ATG12: variants seen among roughly 807,000 people sequenced by gnomAD.
ATG12 encodes the protein autophagy related 12.
A neutral mutation model predicts 17.6 loss-of-function variants in ATG12; 19 were observed. That is an observed-to-expected ratio of 1.08 (90% CI 0.75 to 1.58). The LOEUF (loss-of-function observed/expected upper bound fraction) is 1.58, where lower values mean the gene tolerates loss of function less well. Ranked by LOEUF, ATG12 falls within the 40% of genes most tolerant of loss-of-function variation. ATG12 has a pLI of 0.00. For synonymous variants in ATG12, 75 were observed against 62.4 expected, an observed-to-expected ratio of 1.20 and a Z score of -0.95; for missense variants, 214 against 162.0, an observed-to-expected ratio of 1.32 and a Z score of -1.74.
At chr5:115,839,955 C>T (rs1158774765) in intron 1 of ATG12, among the ~76,000 whole-genome samples, 1 of 152,188 alleles carries the variant, frequency 6.6e-6, no homozygotes, top group Non-Finnish European at 1.5e-5. Flanking sequence ...AGAAAATATG[C>T]CCTCGGGCAA....
At chr5:115,835,729 C>G (rs1761067624) in intron 2 of ATG12, among the ~76,000 whole-genome samples, 1 of 152,122 alleles carries the variant, frequency 6.6e-6, no homozygotes, top group Non-Finnish European at 1.5e-5. Context: ...CGGTCAGGAT[C>G]TATTAGCGTT....
Position 115,837,625 on chromosome 5 carries a change from T to C in ATG12, c.300+3A>G. 4 of 1,610,482 alleles carry C rather than the reference T, an allele frequency of 2.5e-6. No individual in the cohort carries two copies. Among genetic ancestry groups the C allele is most frequent in the Non-Finnish European group, 3.4e-6 (4 of 1,179,570 alleles). On this transcript the variant is annotated splice_donor_region_variant and intron_variant, in intron 2 of 3. Coordinates refer to ENST00000509910, the MANE Select transcript of ATG12 (RefSeq NM_004707.4). ...TAGGAAAACATCACCATTGGTTTCA[T>C]ACCAACTGTTCTGAGGCCACAAGTT...
intron 2 of ATG12, among the ~76,000 whole-genome samples, chr5:115,836,343 A>G (rs1411487654): frequency 6.6e-6 from 1 of 152,090 alleles, no homozygotes; most frequent in Non-Finnish European, 1.5e-5. Flanking sequence ...ATTTTTCTTA[A>G]ATCTCCATGT....
rs1440214736 is a variant in ATG12 at position 115,830,709 on chromosome 5, A to C, written c.*1095T>G. ...TTTTTATTTTTTTGTAGAGTTGGGG[A>C]TCTTGCCTTGCTAACCAGGCTGGTC... On this transcript the variant is annotated 3_prime_UTR_variant, in exon 4 of 4. Transcript: ENST00000509910. 1 of 151,702 alleles carries C rather than the reference A, an allele frequency of 6.6e-6. No individual in the cohort carries two copies. The highest frequency in any genetic ancestry group is 2.4e-5 in the African/African-American group (1 of 41,240). The allele number at this position is 151,702 out of a possible 1,614,324, so 9.4% of individuals were successfully genotyped here. A position where few individuals can be genotyped will look rare whatever the true frequency, so the allele number is the denominator to read the frequency against.
chr5:115,835,016 T>C (rs1356829980), intron 2 of ATG12: 1 of 152,194 alleles, frequency 6.6e-6, no homozygotes, highest in African/African-American at 2.4e-5. Context: ...ATTTTTTTCA[T>C]CTTCTATTTT....
At chr5:115,834,034 T>C (rs750152853) in intron 2 of ATG12, 3 of 152,124 alleles carry the variant, frequency 2.0e-5, no homozygotes, top group Non-Finnish European at 4.4e-5. Context: ...GAAAAGTACA[T>C]CTAATGAAGT....
rs922907145 is a variant in ATG12 at position 115,840,531 on chromosome 5, C to G, written c.163+859G>C. The G allele has an allele frequency of 3.9e-6, 4 of 1,019,744 alleles. No homozygotes were observed. In the African/African-American group the frequency reaches 6.8e-5, roughly 17 times the overall value. The allele number at this position is 1,019,744 out of a possible 1,614,324, so 63.2% of individuals were successfully genotyped here. A position where few individuals can be genotyped will look rare whatever the true frequency, so the allele number is the denominator to read the frequency against. The stretch of plus-strand genomic sequence containing the variant: ...CAGGCTGGTCTCGAACTCTTGACCT[C>G]AGGTGATCCACCCGCCTCAGCCTAC... On this transcript the variant is annotated intron_variant, in intron 1 of 3. Transcript: ENST00000509910.
At chr5:115,833,787 A>AT (rs1372103147) in intron 2 of ATG12, 3 of 152,184 alleles carry the variant, frequency 2.0e-5, no homozygotes. Flanking sequence ...TATAATGTGA[A>AT]TTTTTTGTAA....
rs1270890072 is a variant in ATG12, at chr5:115,831,362, G to A, written c.*442C>T. 5.9e-6 allele frequency: 1 copy of A among 170,138 alleles called. No homozygotes were observed. Among genetic ancestry groups the A allele is most frequent in the African/African-American group, 2.4e-5 (1 of 41,444 alleles). 10.5% of individuals were successfully genotyped at this position (170,138 alleles called of 1,614,324 possible). ...GACTGCCCTCTACTGGACTATTTGAGGTATTCAGCCAGCAGGTCAATGTGA... is the reference window on the plus strand; with the variant it reads ...GACTGCCCTCTACTGGACTATTTGAAGTATTCAGCCAGCAGGTCAATGTGA... On this transcript the variant is annotated 3_prime_UTR_variant, in exon 4 of 4. Transcript: ENST00000509910.
Position 115,831,539 on chromosome 5 carries a change from C to T in ATG12, c.*265G>A. 1.9e-6 allele frequency: 1 copy of T among 525,288 alleles called. No individual in the cohort carries two copies. The highest frequency in any genetic ancestry group is 3.4e-5 in the East Asian group (1 of 29,830). 32.5% of individuals were successfully genotyped at this position (525,288 alleles called of 1,614,324 possible). On this transcript the variant is annotated 3_prime_UTR_variant, in exon 4 of 4. Coordinates refer to ENST00000509910, the MANE Select transcript of ATG12 (RefSeq NM_004707.4). Reference sequence around the variant, plus strand: ...TTAGTCTCCTTTTCAACCTTGGAGGCAGATCTGCAGCAATAATAGTAACAA... The same window carrying T: ...TTAGTCTCCTTTTCAACCTTGGAGGTAGATCTGCAGCAATAATAGTAACAA...
chr5:115,840,099 G>C (rs1015180526), intron 1 of ATG12, among the ~76,000 whole-genome samples: 1 of 152,058 alleles, frequency 6.6e-6, no homozygotes, highest in Non-Finnish European at 1.5e-5. Context: ...ATAGTAAATT[G>C]GAAGAAAAAA....
rs1355062122 is a variant in ATG12, at chr5:115,832,500, A to G, written c.363+102T>C. The G allele has an allele frequency of 8.1e-6, 10 of 1,236,400 alleles. No individual in the cohort carries two copies. In the East Asian group the frequency reaches 2.5e-4, roughly 31 times the overall value. 76.6% of individuals were successfully genotyped at this position (1,236,400 alleles called of 1,614,324 possible). ...TCTCTTGAAATAAAAATGTGAATTA[A>G]CAATACTACACAATATACATATTAT... On this transcript the variant is annotated intron_variant, in intron 3 of 3. Coordinates refer to ENST00000509910, the MANE Select transcript of ATG12 (RefSeq NM_004707.4).
chr5:115,841,533 G>C lies in ATG12; in HGVS notation c.20C>G (p.Ser7Cys), dbSNP rs372619984. The C allele has an allele frequency of 4.3e-6, 7 of 1,613,420 alleles. No individual in the cohort carries two copies. In the African/African-American group the frequency reaches 6.7e-5, roughly 15 times the overall value. Residue 7 changes from serine to cysteine, a missense_variant, in exon 1 of 4, where the codon TCT (serine) becomes TGT (cysteine). Transcript: ENST00000509910. MAEEPQ[S>C]VLQLPTSIAA... ...AATTGAAGTAGGAAGCTGCAACACAGACTGCGGCTCCTCCGCCATCTTGCT... is the reference window on the plus strand; with the variant it reads ...AATTGAAGTAGGAAGCTGCAACACACACTGCGGCTCCTCCGCCATCTTGCT...
intron 2 of ATG12, 148 bp from the exon 3 acceptor site, chr5:115,832,812 T>A: frequency 1.5e-6 from 1 of 683,412 alleles, no homozygotes; most frequent in Non-Finnish European, 2.3e-6. Context: ...ATAGTCAATT[T>A]AAAGAGATCA....
rs1760843586 is a variant in ATG12 at position 115,830,890 on chromosome 5, A to C, written c.*914T>G. 1 of 152,212 alleles carries C rather than the reference A, an allele frequency of 6.6e-6. No individual in the cohort carries two copies. Among genetic ancestry groups the C allele is most frequent in the Admixed American group, 6.5e-5 (1 of 15,278 alleles). 9.4% of individuals were successfully genotyped at this position (152,212 alleles called of 1,614,324 possible). ...AAAAAAGGTTAAATTTCACTTCAAG[A>C]AATTATCAGTCTAATAGCATCAGTA... On this transcript the variant is annotated 3_prime_UTR_variant, in exon 4 of 4. Coordinates refer to ENST00000509910, the MANE Select transcript of ATG12 (RefSeq NM_004707.4).
chr5:115,840,885 A>C (rs1298976981), intron 1 of ATG12: 1 of 1,288,286 alleles, frequency 7.8e-7, no homozygotes, highest in East Asian at 5.6e-5. Context: ...AGCAGTCTTC[A>C]TTCTGCATAA....
chr5:115,840,038 G>A (rs2112732864), intron 1 of ATG12, among the ~76,000 whole-genome samples: 1 of 152,220 alleles, frequency 6.6e-6, no homozygotes, highest in East Asian at 1.9e-4. Context: ...AACAAGTTTT[G>A]ACTAAGACTG....
At chr5:115,838,349 T>C (rs1580572387) in intron 1 of ATG12, 1 of 152,234 alleles carries the variant, frequency 6.6e-6, no homozygotes, top group East Asian at 1.9e-4. Flanking sequence ...AAAAGGATAT[T>C]TGGAGGTGAC....
chr5:115,832,561 T>C, intron 3 of ATG12, 41 bp downstream of exon 3: 1 of 1,400,014 alleles, frequency 7.1e-7, no homozygotes. Context: ...AAAAAAGCAG[T>C]AATTTCTTTC....
Sources: allele counts gnomAD v4.1 joint callset (sites outside exome capture counted in the v4.1 genomes callset), GRCh38; gene constraint gnomAD v4.1.1; transcripts MANE v1.5; gene names NCBI Gene and HGNC (gene_info 2026-07-23, HGNC 2026-07-21).